Variants in EIF3F observed in about 807,000 individuals in gnomAD.
EIF3F encodes the protein deubiquitinating enzyme eIF3f.
A neutral mutation model predicts 36.0 loss-of-function variants in EIF3F; 8 were observed. The observed-to-expected ratio is 0.22, with a 90% CI of 0.13 to 0.40. EIF3F has a LOEUF of 0.40. EIF3F is among the 10% of genes least tolerant of loss of function. The pLI, the probability that EIF3F is intolerant of heterozygous loss-of-function variation, is 1.00. For synonymous variants in EIF3F, 184 were observed against 188.5 expected (o/e 0.98, Z 0.19); for missense variants, 430 against 467.6 (o/e 0.92, Z 0.74).
At chr11:7,988,999 C>T (rs1942059783) in intron 1 of EIF3F, among the ~76,000 whole-genome samples, 1 of 152,212 alleles carries the variant, frequency 6.6e-6, no homozygotes, top group Admixed American at 6.5e-5. Flanking sequence ...CATTGCTTGT[C>T]TTTTCTCAGA....
intron 5 of EIF3F, 124 bp from the exon 6 acceptor site, chr11:7,994,858 C>T: frequency 2.9e-6 from 4 of 1,401,192 alleles, no homozygotes; most frequent in Non-Finnish European, 3.9e-6. Context: ...CAGACTGAGT[C>T]TAAGGGGAGT....
rs952182174 is a variant in EIF3F, at chr11:7,999,323, C to A, written c.*3301C>A. On this transcript the variant is annotated 3_prime_UTR_variant, in exon 8 of 8. Coordinates refer to ENST00000651655, the MANE Select transcript of EIF3F (RefSeq NM_003754.3). ...AAAAATTAGTACTACCCAGTTGATA[C>A]GGTGGAAGAAAACTTGAAAATGCTA... is the stretch of plus-strand genomic sequence containing the variant. The A allele has an allele frequency of 4.6e-5, 7 of 152,042 alleles. No homozygotes were observed. Among genetic ancestry groups the A allele is most frequent in the Non-Finnish European group, 8.8e-5 (6 of 68,014 alleles). The allele number at this position is 152,042 out of a possible 1,614,324, so 9.4% of individuals were successfully genotyped here.
chr11:7,994,717 A>G (rs939535995), intron 5 of EIF3F, 200 bp downstream of exon 5: 5 of 688,970 alleles, frequency 7.3e-6, no homozygotes, highest in Admixed American at 2.9e-5. Context: ...AAGGTGGGAA[A>G]TGATCAGCAC....
At chr11:7,991,149 T>C (rs1263867410) in intron 1 of EIF3F, among the ~76,000 whole-genome samples, 1 of 151,332 alleles carries the variant, frequency 6.6e-6, no homozygotes. Flanking sequence ...GAGCCGAGAT[T>C]GCACCACTGC....
Position 8,000,180 on chromosome 11 carries a change from CA to C in EIF3F, c.*4160del, listed in dbSNP as rs1370101879. 3 of 148,612 alleles carry C rather than the reference CA, an allele frequency of 2.0e-5. No homozygotes were observed. The highest frequency in any genetic ancestry group is 4.4e-5 in the Non-Finnish European group (3 of 67,494). 9.2% of individuals were successfully genotyped at this position (148,612 alleles called of 1,614,324 possible). A position where few individuals can be genotyped will look rare whatever the true frequency, so the allele number is the denominator to read the frequency against. On this transcript the variant is annotated 3_prime_UTR_variant, in exon 8 of 8. Transcript: ENST00000651655. ...CGCCACTGCAGTCCAGCCTGAGCGA[CA>C]AGAGTGAGAAGAGTGAGACTTCATC...
intron 5 of EIF3F, 42 bp downstream of exon 5, chr11:7,994,559 T>C: frequency 6.3e-7 from 1 of 1,577,546 alleles, no homozygotes; most frequent in Non-Finnish European, 8.7e-7. Context: ...CCATAGGCAT[T>C]TTCAGGGAAG....
intron 6 of EIF3F, 27 bp downstream of exon 6, chr11:7,995,145 G>A: frequency 1.2e-6 from 2 of 1,612,234 alleles, no homozygotes; most frequent in South Asian, 1.1e-5. Context: ...AAAACAAAGG[G>A]GGAGGACATA....
Position 7,992,963 on chromosome 11 carries a change from A to C in EIF3F, c.592A>C (p.Ile198Leu), listed in dbSNP as rs749877936. Residue 198 changes from isoleucine (I) to leucine (L), a missense_variant, in exon 4 of 8, where the codon ATC (isoleucine) becomes CTC (leucine). Coordinates refer to ENST00000651655, the MANE Select transcript of EIF3F (RefSeq NM_003754.3). ...CTACAGCCGAGAGGCCCCCAACCCC[A>C]TCCACCTCACTGTGGACACAAGTCT... ...EYYSREAPNP[I>L]HLTVDTSLQN... 3 of 1,613,068 alleles carry C rather than the reference A, an allele frequency of 1.9e-6. No individual in the cohort carries two copies. The Admixed American group carries it at 5.0e-5, about 27-fold the overall frequency.
intron 4 of EIF3F, among the ~76,000 whole-genome samples, chr11:7,993,863 A>T (rs999408831): frequency 8.6e-5 from 13 of 151,716 alleles, no homozygotes; most frequent in African/African-American, 2.9e-4. Flanking sequence ...CAGTATATAC[A>T]ATATATATAT....
At chr11:7,989,670 A>G (rs1316001230) in intron 1 of EIF3F, among the ~76,000 whole-genome samples, 2 of 152,210 alleles carry the variant, frequency 1.3e-5, no homozygotes, top group African/African-American at 4.8e-5. Flanking sequence ...TAATATGATA[A>G]ATGTTCCAAT....
chr11:7,994,444 T>A lies in EIF3F; in HGVS notation c.672T>A (p.Pro224=). Residue 224 remains proline (P), a synonymous_variant, in exon 5 of 8, where the codon CCT becomes CCA. Transcript: ENST00000651655. ...TCCGCAGCACTTTAATGGGAGTCCC[T>A]GGGAGGACCATGGGAGTGATGTTCA... The part of the protein sequence containing the change: ...KAYVSTLMGV[P]GRTMGVMFTP... 6.2e-7 allele frequency: 1 copy of A among 1,613,980 alleles called. No homozygotes were observed. Among genetic ancestry groups the A allele is most frequent in the Non-Finnish European group, 8.5e-7 (1 of 1,179,942 alleles).
chr11:7,995,732 C>G (rs540974636), intron 7 of EIF3F: 49 of 623,420 alleles, frequency 7.9e-5, no homozygotes, highest in Middle Eastern at 5.2e-4. Flanking sequence ...CTAAGGCACC[C>G]CTAGTCTATA....
chr11:7,989,235 C>T (rs1382207404), intron 1 of EIF3F, among the ~76,000 whole-genome samples: 2 of 152,212 alleles, frequency 1.3e-5, no homozygotes, highest in African/African-American at 2.4e-5. Context: ...TGACTTGACA[C>T]TCAGCAAATA....
intron 4 of EIF3F, 49 bp downstream of exon 4, chr11:7,993,073 A>T: frequency 6.6e-7 from 1 of 1,510,016 alleles, no homozygotes; most frequent in Non-Finnish European, 8.9e-7. Context: ...CCCAGATGCC[A>T]TCCCTCCCCC....
chr11:7,989,643 T>G (rs867419066), intron 1 of EIF3F, among the ~76,000 whole-genome samples: 189 of 151,876 alleles, frequency 1.2e-3, no homozygotes, highest in African/African-American at 4.3e-3. Context: ...TACTCTTAAA[T>G]GCAAATAATT....
intron 7 of EIF3F, 74 bp downstream of exon 7, chr11:7,995,441 G>A (rs564821095): frequency 1.6e-6 from 2 of 1,248,810 alleles, no homozygotes; most frequent in Admixed American, 1.7e-5. Flanking sequence ...AATGTGAAAA[G>A]AGTTGGGTGA....
rs776597083 is a variant in EIF3F at position 7,995,112 on chromosome 11, T to A, written c.876T>A (p.Asp292Glu). The change falls in exon 6 of 8, where the codon GAT becomes GAA. Residue 292 changes from aspartate to glutamate, a missense_variant. Physicochemically the swap from Asp to Glu is conservative, Grantham distance 45. Transcript: ENST00000651655. Reference protein sequence around the residue: ...ALSTVLQYAEDVLSGKVSADN... With the variant: ...ALSTVLQYAEEVLSGKVSADN... ...GTACAGTGTTGCAATATGCAGAGGA[T>A]GTACTGGTGAGAGGGGAAAGAAAAA... is the stretch of plus-strand genomic sequence containing the variant. The A allele has an allele frequency of 1.1e-4, 178 of 1,613,712 alleles. No individual in the cohort carries two copies. The highest frequency in any genetic ancestry group is 1.5e-4 in the Non-Finnish European group (177 of 1,179,836).
intron 1 of EIF3F, 188 bp downstream of exon 1, chr11:7,987,904 CCT>C (rs1589903094): frequency 1.2e-5 from 10 of 814,930 alleles, no homozygotes; most frequent in Non-Finnish European, 1.7e-5. Flanking sequence ...TTGCATCTCT[CCT>C]CTCTCTCCTG....
In EIF3F at chr11:7,996,111, C is replaced by G. The variant is rs1564887733; in HGVS notation, c.*89C>G. ...AAATGGGTTTTTTGTGGTCTTGAGTCACACTGAGATAGTCAGTTGTGTGTG... is the reference window on the plus strand; with the variant it reads ...AAATGGGTTTTTTGTGGTCTTGAGTGACACTGAGATAGTCAGTTGTGTGTG... On this transcript the variant is annotated 3_prime_UTR_variant, in exon 8 of 8. Coordinates refer to ENST00000651655, the MANE Select transcript of EIF3F (RefSeq NM_003754.3). 8.7e-7 allele frequency: 1 copy of G among 1,146,486 alleles called. No individual in the cohort carries two copies. Among genetic ancestry groups the G allele is most frequent in the African/African-American group, 1.5e-5 (1 of 65,696 alleles). The allele number at this position is 1,146,486 out of a possible 1,614,324, so 71.0% of individuals were successfully genotyped here. A position where few individuals can be genotyped will look rare whatever the true frequency, so the allele number is the denominator to read the frequency against.
Sources: allele counts gnomAD v4.1 joint callset (sites outside exome capture counted in the v4.1 genomes callset), GRCh38; gene constraint gnomAD v4.1.1; transcripts MANE v1.5; gene names NCBI Gene and HGNC (gene_info 2026-07-23, HGNC 2026-07-21).